PID1: variants seen among roughly 807,000 people sequenced by gnomAD.
PID1 encodes the protein phosphotyrosine interaction domain containing 1.
Under a neutral mutation model 19.1 loss-of-function variants are expected in PID1, and 10 were observed. The observed-to-expected ratio is 0.52, with a 90% confidence interval of 0.32 to 0.89. The LOEUF is 0.89. Ranked by LOEUF, PID1 falls within the 40% of genes least tolerant of loss-of-function variation. PID1 has a pLI of 0.03. For synonymous variants in PID1, 130 were observed against 116.0 expected (o/e 1.12, Z -0.78); for missense variants, 248 against 285.3 (o/e 0.87, Z 0.94).
chr2:229,142,051 T>C (rs974572957), intron 2 of PID1, among the ~76,000 whole-genome samples: 1 of 152,120 alleles, frequency 6.6e-6, no homozygotes, highest in African/African-American at 2.4e-5. Flanking sequence ...TTTATGAAAT[T>C]TTTATGACCC....
intron 1 of PID1, among the ~76,000 whole-genome samples, chr2:229,209,718 T>C (rs1368017577): frequency 6.6e-6 from 1 of 152,228 alleles, no homozygotes; most frequent in Non-Finnish European, 1.5e-5. Context: ...TTCATCATCC[T>C]TGAGATGCCC....
intron 1 of PID1, among the ~76,000 whole-genome samples, chr2:229,215,957 A>T (rs2106253766): frequency 6.6e-6 from 1 of 152,312 alleles, no homozygotes; most frequent in African/African-American, 2.4e-5. Context: ...CGTTTGTGAG[A>T]CAGCAGAATC....
chr2:229,256,830 C>T (rs1228296364), intron 1 of PID1, among the ~76,000 whole-genome samples: 3 of 152,196 alleles, frequency 2.0e-5, no homozygotes, highest in Non-Finnish European at 4.4e-5. Context: ...TCTCAATTAA[C>T]ATTCACGGCA....
chr2:229,228,734 GGT>G (rs1692137314), intron 1 of PID1, among the ~76,000 whole-genome samples: 8 of 151,242 alleles, frequency 5.3e-5, no homozygotes, highest in Admixed American at 5.3e-4. Context: ...TAAACAAAAA[GGT>G]ATCTGCTAAA....
At chr2:229,157,432 A>G (rs1487669276) in intron 1 of PID1, among the ~76,000 whole-genome samples, 1 of 146,166 alleles carries the variant, frequency 6.8e-6, no homozygotes, top group Admixed American at 6.8e-5. Flanking sequence ...TTCCATCTCA[A>G]AAAAAAAAAA....
chr2:229,189,675 C>T (rs987301423), intron 1 of PID1, among the ~76,000 whole-genome samples: 1 of 152,092 alleles, frequency 6.6e-6, no homozygotes, highest in African/African-American at 2.4e-5. Context: ...CTAGCCTGGG[C>T]GACAAGAGTG....
chr2:229,091,189 A>G (rs1188926924), intron 2 of PID1, among the ~76,000 whole-genome samples: 2 of 152,162 alleles, frequency 1.3e-5, no homozygotes, highest in Non-Finnish European at 2.9e-5. Flanking sequence ...ATATTCTGTT[A>G]CTGTAGAAAA....
chr2:229,204,381 G>T (rs970815600), intron 1 of PID1, among the ~76,000 whole-genome samples: 1 of 152,076 alleles, frequency 6.6e-6, no homozygotes, highest in Admixed American at 6.6e-5. Flanking sequence ...AGTATGATTA[G>T]ACATATACTA....
rs112581957 is a variant in PID1 at position 229,147,111 on chromosome 2, T to A, written c.177+8707A>T. ...TGTTTGAGTAGGTTTACAATTACTA[T>A]GCTGAGCACATGAGGCAAGTCTGAC... On this transcript the variant is annotated intron_variant, in intron 2 of 2. Transcript: ENST00000392055. Among the ~76,000 whole-genome samples, 726 of 152,336 alleles carry A rather than the reference T, an allele frequency of 4.8e-3. 8 individuals carry two copies. The highest frequency in any genetic ancestry group is 0.017 in the African/African-American group (686 of 41,562).
intron 2 of PID1, among the ~76,000 whole-genome samples, chr2:229,065,310 C>T (rs1694301301): frequency 6.6e-6 from 1 of 152,096 alleles, no homozygotes; most frequent in African/African-American, 2.4e-5. Flanking sequence ...GAAAAAAATT[C>T]CTTCTCCAAA....
At position 229,191,878 on chromosome 2, in the gene PID1, G is replaced by T. The variant is rs1691267878; in HGVS notation, c.31-35914C>A. Among the ~76,000 whole-genome samples, 2 of 152,172 alleles carry T rather than the reference G, an allele frequency of 1.3e-5. 1 individual carries two copies. The highest frequency in any genetic ancestry group is 4.1e-4 in the South Asian group (2 of 4,832). Reference sequence around the variant, plus strand: ...CAATTTCACTTTTACTACCCAGGTGGCTTGGGAAAACCAAATCAATCTAAA... The same window carrying T: ...CAATTTCACTTTTACTACCCAGGTGTCTTGGGAAAACCAAATCAATCTAAA... On this transcript the variant is annotated intron_variant, in intron 1 of 2. Transcript: ENST00000392055.
chr2:229,100,864 A>G (rs1325108323), intron 2 of PID1, among the ~76,000 whole-genome samples: 1 of 152,240 alleles, frequency 6.6e-6, no homozygotes, highest in East Asian at 1.9e-4. Flanking sequence ...GACAAGCCAG[A>G]TGCTCAGGGA....
intron 1 of PID1, among the ~76,000 whole-genome samples, chr2:229,223,594 T>G (rs937358582): frequency 2.0e-5 from 3 of 152,230 alleles, no homozygotes; most frequent in African/African-American, 7.2e-5. Context: ...ATGGAAATTA[T>G]TCTAAGAGCA....
At chr2:229,166,996 G>GAAGGGGAAGGGGAAGTGA in intron 1 of PID1, among the ~76,000 whole-genome samples, 1 of 150,676 alleles carries the variant, frequency 6.6e-6, no homozygotes, top group African/African-American at 2.4e-5. Flanking sequence ...AGGGGAAGTG[G>GAAGGGGAAGGGGAAGTGA]AAGGGGAAGG....
Position 229,271,210 on chromosome 2 carries a change from A to C in PID1, c.-167T>G, listed in dbSNP as rs2106299611. 1 of 626,664 alleles carries C rather than the reference A, an allele frequency of 1.6e-6. No homozygotes were observed. The highest frequency in any genetic ancestry group is 2.0e-5 in the African/African-American group (1 of 50,994). The allele number at this position is 626,664 out of a possible 1,614,324, so 38.8% of individuals were successfully genotyped here. On this transcript the variant is annotated 5_prime_UTR_variant, in exon 1 of 3. Transcript: ENST00000392055. ...GGCGTAGGGGGCTGCGAGCAGGAGGAGGCGCGGCGCTCAGCTGCCGGCAAC... is the reference window on the plus strand; with the variant it reads ...GGCGTAGGGGGCTGCGAGCAGGAGGCGGCGCGGCGCTCAGCTGCCGGCAAC...
At chr2:229,233,879 GC>G (rs1283084957) in intron 1 of PID1, among the ~76,000 whole-genome samples, 2 of 152,134 alleles carry the variant, frequency 1.3e-5, no homozygotes, top group African/African-American at 2.4e-5. Context: ...ATTGTTTTTA[GC>G]CAGTCAATCA....
intron 2 of PID1, among the ~76,000 whole-genome samples, chr2:229,089,300 A>G (rs1694826053): frequency 1.3e-5 from 2 of 152,204 alleles, no homozygotes; most frequent in African/African-American, 4.8e-5. Context: ...TAAACTTTGA[A>G]AGGCAGTAGT....
chr2:229,176,159 T>TA (rs3084653), intron 1 of PID1, among the ~76,000 whole-genome samples: 1 of 149,522 alleles, frequency 6.7e-6, no homozygotes, highest in African/African-American at 2.5e-5. Context: ...CTTCAAAAAT[T>TA]AAAAAAAAAA....
intron 2 of PID1, among the ~76,000 whole-genome samples, chr2:229,067,732 T>C (rs1366153432): frequency 3.3e-5 from 5 of 152,184 alleles, no homozygotes; most frequent in Non-Finnish European, 5.9e-5. Context: ...AAGACCTTCC[T>C]TAGCCCATCC....
Sources: gnomAD v4.1 joint callset for allele counts (sites outside exome capture counted in the v4.1 genomes callset) on GRCh38, gnomAD v4.1.1 for gene constraint, MANE v1.5 for transcripts, NCBI Gene and HGNC (gene_info 2026-07-23, HGNC 2026-07-21) for gene names.